Variants in PCDHGB3 observed in about 807,000 individuals in gnomAD.
PCDHGB3 encodes protocadherin gamma-B3.
Under a neutral mutation model 59.2 loss-of-function variants are expected in PCDHGB3, and 40 were observed. The observed-to-expected ratio is 0.68, with a 90% CI of 0.52 to 0.88. The LOEUF (loss-of-function observed/expected upper bound fraction) is 0.88. Ranked by LOEUF, PCDHGB3 falls within the 40% of genes least tolerant of loss-of-function variation. The probability of loss-of-function intolerance (pLI) is 0.00; values close to 1 mark genes in which losing one functional copy is unlikely to be tolerated. For synonymous variants in PCDHGB3, 581 were observed against 503.6 expected (o/e 1.15, Z -2.06); for missense variants, 1,309 against 1,187.9 (o/e 1.10, Z -1.50).
chr5:141,482,248 C>G (rs1056466272), intron 1 of PCDHGB3, among the ~76,000 whole-genome samples: 1 of 152,084 alleles, frequency 6.6e-6, no homozygotes, highest in African/African-American at 2.4e-5. Context: ...AAGTATAGTA[C>G]TGTACATATT....
chr5:141,388,558 C>T (rs928285766), intron 1 of PCDHGB3: 21 of 1,613,792 alleles, frequency 1.3e-5, no homozygotes, highest in African/African-American at 2.7e-5. Flanking sequence ...CTAAGCAGCA[C>T]TGCACAGATA....
rs1780458671 is a variant in PCDHGB3 at position 141,384,757 on chromosome 5, G to C, written c.2415+11948G>C. Reference sequence around the variant, plus strand: ...CAGCGAGCCAGGACTCTTTGCGGTTGGGCTGTACACGGGCGAGGTGCGCAC... The same window carrying C: ...CAGCGAGCCAGGACTCTTTGCGGTTCGGCTGTACACGGGCGAGGTGCGCAC... On this transcript the variant is annotated intron_variant, in intron 1 of 3. Transcript: ENST00000576222. 7 of 1,613,872 alleles carry C rather than the reference G, an allele frequency of 4.3e-6. No individual in the cohort carries two copies. The East Asian group carries it at 1.6e-4, about 36-fold the overall frequency.
At chr5:141,399,836 T>C (rs2093900703) in intron 1 of PCDHGB3, 2 of 1,613,080 alleles carry the variant, frequency 1.2e-6, no homozygotes, top group East Asian at 2.2e-5. Context: ...GGCTCTGCGC[T>C]CTTCGATATG....
At chr5:141,427,934 G>A (rs746648152) in intron 1 of PCDHGB3, 42 of 1,584,338 alleles carry the variant, frequency 2.7e-5, no homozygotes, top group Non-Finnish European at 3.6e-5. Context: ...GCATGTTGGT[G>A]GGCGACCTCA....
chr5:141,439,012 A>G (rs968054607), intron 1 of PCDHGB3, among the ~76,000 whole-genome samples: 4 of 151,916 alleles, frequency 2.6e-5, no homozygotes, highest in South Asian at 2.1e-4. Context: ...TTTGTTTGTC[A>G]AATTTTGAAA....
Position 141,505,424 on chromosome 5 carries a change from C to T in PCDHGB3, c.2506C>T (p.Pro836Ser), listed in dbSNP as rs1422538114. The T allele has an allele frequency of 1.2e-6, 2 of 1,614,200 alleles. No individual in the cohort carries two copies. Among genetic ancestry groups the T allele is most frequent in the Non-Finnish European group, 1.7e-6 (2 of 1,180,028 alleles). Residue 836 changes from proline (P) to serine (S), a missense_variant, in exon 3 of 4, where the codon CCC (proline) becomes TCC (serine). Pro to Ser is a moderately conservative substitution (Grantham distance 74). Transcript: ENST00000576222. ...AAATGGCGATGACACCGGCACCTGG[C>T]CCAACAACCAGTTTGACACAGAGAT... is the stretch of plus-strand genomic sequence containing the variant. ...SQNGDDTGTW[P>S]NNQFDTEMLQ...
intron 1 of PCDHGB3, chr5:141,423,956 A>G: frequency 1.7e-6 from 2 of 1,182,724 alleles, no homozygotes; most frequent in Non-Finnish European, 2.1e-6. Flanking sequence ...TTTTAGTATT[A>G]TTTTTCTATT....
At chr5:141,433,487 C>T (rs1052153936) in intron 1 of PCDHGB3, among the ~76,000 whole-genome samples, 3 of 152,094 alleles carry the variant, frequency 2.0e-5, no homozygotes, top group African/African-American at 7.2e-5. Context: ...TCCTGCTTCT[C>T]CCTCCCAAAC....
intron 2 of PCDHGB3, among the ~76,000 whole-genome samples, chr5:141,498,436 A>G (rs566463876): frequency 6.6e-6 from 1 of 152,268 alleles, no homozygotes; most frequent in East Asian, 1.9e-4. Flanking sequence ...GGGGATGAAG[A>G]GGAGAGGTTC....
Position 141,432,806 on chromosome 5 carries a change from A to G in PCDHGB3, c.2415+59997A>G, listed in dbSNP as rs755248654. 12 of 1,614,070 alleles carry G rather than the reference A, an allele frequency of 7.4e-6. No individual in the cohort carries two copies. Among genetic ancestry groups the G allele is most frequent in the Non-Finnish European group, 9.3e-6 (11 of 1,179,972 alleles). On this transcript the variant is annotated intron_variant, in intron 1 of 3. Transcript: ENST00000576222. This position sits in a 1 kb window ranked among gnomAD's most constrained non-coding sequence, Gnocchi z 6.0. ...CCTCGGCAGCCTCGAGTCTCCAGCT[A>G]ACTCTGAAACCTCAGACCTCACTCT...
chr5:141,419,996 C>G, intron 1 of PCDHGB3: 1 of 1,614,084 alleles, frequency 6.2e-7, no homozygotes, highest in Non-Finnish European at 8.5e-7. Context: ...AGCTATTGCT[C>G]TACGCCTGCG....
At position 141,370,824 on chromosome 5, in the gene PCDHGB3, G is replaced by C; in HGVS notation, c.430G>C (p.Glu144Gln). 6.2e-7 allele frequency: 1 copy of C among 1,613,996 alleles called. No individual in the cohort carries two copies. The highest frequency in any genetic ancestry group is 8.5e-7 in the Non-Finnish European group (1 of 1,179,888). ...SQNITELEIS[E>Q]LALTGATFAL... Reference sequence around the variant, plus strand: ...AAATATCACTGAGCTGGAAATCAGCGAACTGGCTCTCACTGGAGCCACATT... The same window carrying C: ...AAATATCACTGAGCTGGAAATCAGCCAACTGGCTCTCACTGGAGCCACATT... Residue 144 changes from glutamate to glutamine, a missense_variant, in exon 1 of 4, where the codon GAA becomes CAA. Coordinates refer to ENST00000576222, the MANE Select transcript of PCDHGB3 (RefSeq NM_018924.5).
At chr5:141,502,093 G>C (rs1037154464) in intron 2 of PCDHGB3, among the ~76,000 whole-genome samples, 27 of 152,112 alleles carry the variant, frequency 1.8e-4, no homozygotes, top group Admixed American at 1.7e-3. Flanking sequence ...AGAACACCTG[G>C]CCTTGACCCT....
Position 141,485,563 on chromosome 5 carries a change from C to T in PCDHGB3, c.2416-9244C>T, listed in dbSNP as rs746689576. The T allele has an allele frequency of 1.2e-5, 19 of 1,612,904 alleles. No homozygotes were observed. In the South Asian group the frequency reaches 1.6e-4, roughly 14 times the overall value. ...AGATCGTAGATGTGAATGATCACGCCCCCCGTTTTCCGCGGCAGCAGCTGG... is the reference window on the plus strand; with the variant it reads ...AGATCGTAGATGTGAATGATCACGCTCCCCGTTTTCCGCGGCAGCAGCTGG... On this transcript the variant is annotated intron_variant, in intron 1 of 3. Coordinates refer to ENST00000576222, the MANE Select transcript of PCDHGB3 (RefSeq NM_018924.5). This position sits in a 1 kb window ranked among gnomAD's most constrained non-coding sequence, Gnocchi z 5.7.
intron 1 of PCDHGB3, chr5:141,389,112 C>A (rs376966829): frequency 1.5e-5 from 25 of 1,613,966 alleles, no homozygotes; most frequent in Non-Finnish European, 2.0e-5. Context: ...TGTTCTAGAC[C>A]GCGAGCAGAA....
rs999250620 is a variant in PCDHGB3, at chr5:141,373,672, T to C, written c.2415+863T>C. 5.3e-5 allele frequency among the ~76,000 whole-genome samples: 8 copies of C among 152,368 alleles called. No individual in the cohort carries two copies. The East Asian group carries it at 1.3e-3, about 26-fold the overall frequency. ...TAAGAGATATTTTCATAAAAATGAA[T>C]GGTAAACTTCAGAGAACATTTAAAA... On this transcript the variant is annotated intron_variant, in intron 1 of 3. Coordinates refer to ENST00000576222, the MANE Select transcript of PCDHGB3 (RefSeq NM_018924.5).
At chr5:141,374,864 G>A (rs1342499165) in intron 1 of PCDHGB3, 4 of 1,613,748 alleles carry the variant, frequency 2.5e-6, no homozygotes, top group Non-Finnish European at 3.4e-6. Flanking sequence ...AGGCACACCA[G>A]TGTTGGCAGT....
At chr5:141,374,626 C>A (rs748933501) in intron 1 of PCDHGB3, 10 of 1,613,108 alleles carry the variant, frequency 6.2e-6, no homozygotes, top group Non-Finnish European at 7.6e-6. Context: ...TCTCAGTGGA[C>A]GTGCAAAGCG....
rs138608867 is a variant in PCDHGB3 at position 141,477,655 on chromosome 5, T to C, written c.2416-17152T>C. 5.0e-3 allele frequency: 8,034 copies of C among 1,614,186 alleles called. 44 individuals carry two copies. The highest frequency in any genetic ancestry group is 9.4e-3 in the Admixed American group (567 of 60,020). On this transcript the variant is annotated intron_variant, in intron 1 of 3. Coordinates refer to ENST00000576222, the MANE Select transcript of PCDHGB3 (RefSeq NM_018924.5). The surrounding 1 kb of genome is among the most constrained non-coding windows in gnomAD (Gnocchi z 4.9). ...TAGTGGGTCGCTATTTCACAATAAA[T>C]CGTGACAATGGCATAGTGTCATCCT...
Sources: gnomAD v4.1 joint callset for allele counts (sites outside exome capture counted in the v4.1 genomes callset) on GRCh38, gnomAD v4.1.1 for gene constraint, Gnocchi (gnomAD v3.1) non-coding constraint, MANE v1.5 for transcripts, NCBI Gene and HGNC (gene_info 2026-07-23, HGNC 2026-07-21) for gene names.